The following PKIA variants were observed in gnomAD, a reference collection of about 807,000 sequenced individuals.
PKIA encodes PKI-alpha.
Under a neutral mutation model 7.6 loss-of-function variants are expected in PKIA, and 4 were observed. That is an observed-to-expected ratio of 0.52 (90% confidence interval 0.26 to 1.20). PKIA has a LOEUF of 1.20. Among genes scored for constraint, PKIA ranks in the 50% most tolerant of loss-of-function variants. The probability of loss-of-function intolerance (pLI) is 0.13; values close to 1 mark genes in which losing one functional copy is unlikely to be tolerated. For synonymous variants in PKIA, 21 were observed against 30.7 expected (o/e 0.68, Z 1.04); for missense variants, 73 against 86.2 (o/e 0.85, Z 0.61).
chr8:78,534,537 A>G (rs1327466011), intron 1 of PKIA: 2 of 152,120 alleles, frequency 1.3e-5, no homozygotes, highest in African/African-American at 4.8e-5. Flanking sequence ...TCATTCATGC[A>G]CCATACATTC....
chr8:78,550,243 G>C (rs1490499928), intron 1 of PKIA, among the ~76,000 whole-genome samples: 2 of 152,110 alleles, frequency 1.3e-5, no homozygotes, highest in Non-Finnish European at 2.9e-5. Flanking sequence ...ATTTGTGTTT[G>C]CTAATGGGTG....
chr8:78,568,623 C>G (rs1475444513), intron 1 of PKIA, among the ~76,000 whole-genome samples: 1 of 152,028 alleles, frequency 6.6e-6, no homozygotes, highest in Non-Finnish European at 1.5e-5. Flanking sequence ...CAATGAGTTC[C>G]CTGTTTTCTT....
chr8:78,534,850 T>C (rs1299382702), intron 1 of PKIA: 6 of 152,164 alleles, frequency 3.9e-5, no homozygotes, highest in African/African-American at 1.4e-4. Flanking sequence ...TCATTATCTA[T>C]TCTTGAGACG....
chr8:78,583,425 C>T (rs1348793957), intron 2 of PKIA, among the ~76,000 whole-genome samples: 1 of 152,114 alleles, frequency 6.6e-6, no homozygotes, highest in Admixed American at 6.6e-5. Context: ...TCATTGCCCT[C>T]AAAACCACGT....
At chr8:78,574,115 T>A (rs1475474560) in intron 2 of PKIA, among the ~76,000 whole-genome samples, 1 of 152,024 alleles carries the variant, frequency 6.6e-6, no homozygotes, top group African/African-American at 2.4e-5. Context: ...CTTGCAAACT[T>A]TTCTTTTCTT....
chr8:78,560,346 C>T (rs1057207307), intron 1 of PKIA, among the ~76,000 whole-genome samples: 2 of 152,100 alleles, frequency 1.3e-5, no homozygotes, highest in Non-Finnish European at 2.9e-5. Flanking sequence ...TAAGCTTTTT[C>T]CCCACCAGAA....
chr8:78,571,566 A>T (rs1295985898), intron 1 of PKIA, among the ~76,000 whole-genome samples: 1 of 152,150 alleles, frequency 6.6e-6, no homozygotes, highest in Non-Finnish European at 1.5e-5. Context: ...GATAACCCTG[A>T]GGAATGTTCT....
chr8:78,588,733 A>C (rs1368309267), intron 2 of PKIA, among the ~76,000 whole-genome samples: 1 of 152,134 alleles, frequency 6.6e-6, no homozygotes, highest in Non-Finnish European at 1.5e-5. Context: ...GTAAAATTAC[A>C]AGGGGAATTA....
At chr8:78,530,716 C>T (rs766150421) in intron 1 of PKIA, among the ~76,000 whole-genome samples, 44 of 152,152 alleles carry the variant, frequency 2.9e-4, no homozygotes, top group Non-Finnish European at 5.6e-4. Context: ...TACACACACA[C>T]ATTTACTAGT....
At chr8:78,562,473 A>T (rs1218437303) in intron 1 of PKIA, among the ~76,000 whole-genome samples, 1 of 152,178 alleles carries the variant, frequency 6.6e-6, no homozygotes, top group African/African-American at 2.4e-5. Flanking sequence ...ACCACTTAAT[A>T]AGACTTATAG....
intron 1 of PKIA, among the ~76,000 whole-genome samples, chr8:78,550,626 C>T (rs993895289): frequency 6.6e-6 from 1 of 152,012 alleles, no homozygotes; most frequent in Non-Finnish European, 1.5e-5. Flanking sequence ...CACCCATCCT[C>T]CCTTATCTGA....
At chr8:78,601,602 C>G in intron 3 of PKIA, 140 bp from the exon 4 acceptor site, 1 of 678,946 alleles carries the variant, frequency 1.5e-6, no homozygotes, top group East Asian at 2.7e-5. Context: ...GAACTGACTA[C>G]CAAGAAAATA....
intron 1 of PKIA, among the ~76,000 whole-genome samples, chr8:78,570,391 C>T (rs562940863): frequency 4.6e-5 from 7 of 152,242 alleles, no homozygotes; most frequent in African/African-American, 7.2e-5. Flanking sequence ...TAACATTCTT[C>T]GAGTACTGAA....
At chr8:78,567,666 GA>G (rs1231179076) in intron 1 of PKIA, among the ~76,000 whole-genome samples, 2 of 152,124 alleles carry the variant, frequency 1.3e-5, no homozygotes, top group East Asian at 1.9e-4. Flanking sequence ...CCAACAATAA[GA>G]AGCAGAGAGT....
At chr8:78,564,152 A>C (rs1183388380) in intron 1 of PKIA, among the ~76,000 whole-genome samples, 1 of 151,990 alleles carries the variant, frequency 6.6e-6, no homozygotes, top group Non-Finnish European at 1.5e-5. Flanking sequence ...GAATTTGAGG[A>C]AAGTGGGGAA....
intron 1 of PKIA, among the ~76,000 whole-genome samples, chr8:78,525,553 T>C (rs181176776): frequency 6.6e-6 from 1 of 152,174 alleles, no homozygotes. Context: ...CTAACAGTTT[T>C]AGGCAATACT....
intron 2 of PKIA, among the ~76,000 whole-genome samples, chr8:78,586,719 A>G (rs551875903): frequency 2.0e-5 from 3 of 152,350 alleles, no homozygotes; most frequent in Admixed American, 2.0e-4. Context: ...CATATTTAAA[A>G]AGAAATATTG....
chr8:78,598,679 G>A (rs1441143424), intron 3 of PKIA, 144 bp downstream of exon 3: 4 of 639,830 alleles, frequency 6.3e-6, no homozygotes, highest in Non-Finnish European at 1.1e-5. Context: ...GAAAGTCTGA[G>A]ACTAATCTCT....
intron 1 of PKIA, among the ~76,000 whole-genome samples, chr8:78,554,794 T>G (rs561188471): frequency 6.6e-6 from 1 of 152,204 alleles, no homozygotes; most frequent in East Asian, 1.9e-4. Flanking sequence ...TTAGGAGACA[T>G]TCTCAATAAA....
Sources: gnomAD v4.1 joint callset for allele counts (sites outside exome capture counted in the v4.1 genomes callset) on GRCh38, gnomAD v4.1.1 for gene constraint, MANE v1.5 for transcripts, NCBI Gene and HGNC (gene_info 2026-07-23, HGNC 2026-07-21) for gene names.